CTTNBP2: variants seen among roughly 807,000 people sequenced by gnomAD.
The protein encoded by CTTNBP2 is cortactin-binding protein 2.
CTTNBP2 carries 108 observed loss-of-function variants against 156.9 expected under a neutral mutation model. That is an observed-to-expected ratio of 0.69 (90% CI 0.59 to 0.81). The LOEUF (loss-of-function observed/expected upper bound fraction) is 0.81, where lower values mean the gene tolerates loss of function less well. Ranked by LOEUF, CTTNBP2 falls within the 30% of genes least tolerant of loss-of-function variation. The pLI is 0.00. For synonymous variants in CTTNBP2, 767 were observed against 751.8 expected, an observed-to-expected ratio of 1.02 and a Z score of -0.33; for missense variants, 1,924 against 2,035.4, an observed-to-expected ratio of 0.95 and a Z score of 1.05.
chr7:117,735,135 G>A (rs1339807909), intron 15 of CTTNBP2, 35 bp from the exon 16 acceptor site: 2 of 1,602,322 alleles, frequency 1.2e-6, no homozygotes, highest in African/African-American at 2.7e-5. Flanking sequence ...CCCATCCTCA[G>A]TGAGTTATGT....
intron 16 of CTTNBP2, among the ~76,000 whole-genome samples, chr7:117,728,628 CA>C (rs1795235740): frequency 6.6e-6 from 1 of 152,074 alleles, no homozygotes; most frequent in African/African-American, 2.4e-5. Flanking sequence ...GTATAATTGA[CA>C]AAAATTATAT....
chr7:117,776,578 T>C (rs1264879313), intron 8 of CTTNBP2, among the ~76,000 whole-genome samples: 1 of 152,160 alleles, frequency 6.6e-6, no homozygotes. Context: ...AATGCTCCTT[T>C]CACCTGAACC....
rs34468854 is a variant in CTTNBP2, at chr7:117,818,292, A to C, written c.190-7303T>G. 8.7e-4 allele frequency among the ~76,000 whole-genome samples: 133 copies of C among 152,288 alleles called. 4 individuals are homozygous for C. The highest frequency in any genetic ancestry group is 2.9e-3 in the African/African-American group (120 of 41,550). On this transcript the variant is annotated intron_variant, in intron 2 of 22. Coordinates refer to ENST00000160373, the MANE Select transcript of CTTNBP2 (RefSeq NM_033427.3). ...GGTTACCTAAGAATAATAAAAAAAA[A>C]CCAAAAACCAGCATTAATATAGATC...
intron 2 of CTTNBP2, among the ~76,000 whole-genome samples, chr7:117,850,848 G>C (rs1584548576): frequency 6.6e-6 from 1 of 152,194 alleles, no homozygotes; most frequent in African/African-American, 2.4e-5. Context: ...ATAAATTTTA[G>C]AAGTACCAGG....
At position 117,791,652 on chromosome 7, in the gene CTTNBP2, G is replaced by A; in HGVS notation, c.1544C>T (p.Thr515Ile). The A allele has an allele frequency of 6.2e-7, 1 of 1,614,186 alleles. No individual in the cohort carries two copies. The highest frequency in any genetic ancestry group is 1.3e-5 in the African/African-American group (1 of 75,046). ...GAPSRPGVPP[T>I]GDVGTHPPVG... ...TGGAGGGTGGGTGCCAACATCCCCT[G>A]TTGGGGGCACTCCAGGCCTTGAGGG... Residue 515 changes from threonine (T) to isoleucine (I), a missense_variant, in exon 4 of 23, where the codon ACA (threonine) becomes ATA (isoleucine). Coordinates refer to ENST00000160373, the MANE Select transcript of CTTNBP2 (RefSeq NM_033427.3).
At position 117,760,563 on chromosome 7, in the gene CTTNBP2, T is replaced by G. The variant is rs753567212; in HGVS notation, c.3044A>C (p.Gln1015Pro). 1 of 1,614,178 alleles carries G rather than the reference T, an allele frequency of 6.2e-7. No individual in the cohort carries two copies. Among genetic ancestry groups the G allele is most frequent in the Admixed American group, 1.7e-5 (1 of 60,024 alleles). The change falls in exon 10 of 23, where the codon CAA becomes CCA. Residue 1015 changes from glutamine to proline, a missense_variant. By Grantham distance (76) the Gln-to-Pro change is moderately conservative. Transcript: ENST00000160373. ...SWDDFSKAVS[Q>P]ALTNHFQAIS... Reference sequence around the variant, plus strand: ...TGCCTGGAAATGATTTGTCAGAGCTTGACTCACTGCTTTTGAAAAATCATC... The same window carrying G: ...TGCCTGGAAATGATTTGTCAGAGCTGGACTCACTGCTTTTGAAAAATCATC...
In CTTNBP2 at chr7:117,873,003, C is replaced by T. The variant is rs911579611; in HGVS notation, c.81+332G>A. On this transcript the variant is annotated intron_variant, in intron 1 of 22. Transcript: ENST00000160373. ...CCAGGAAACACGTCCCAGCCTTCTC[C>T]CCCGGCCAGAAGCGACCGCAGCGGA... Among the ~76,000 whole-genome samples, 3 of 152,178 alleles carry T rather than the reference C, an allele frequency of 2.0e-5. No homozygotes were observed. In the East Asian group the frequency reaches 5.8e-4, roughly 30 times the overall value.
chr7:117,745,957 T>C, intron 13 of CTTNBP2, 27 bp from the exon 14 acceptor site: 1 of 1,611,534 alleles, frequency 6.2e-7, no homozygotes, highest in African/African-American at 1.3e-5. Flanking sequence ...GGGTGATTAG[T>C]TCTACGCACT....
chr7:117,765,634 C>T (rs940992252), intron 9 of CTTNBP2, among the ~76,000 whole-genome samples: 1 of 152,048 alleles, frequency 6.6e-6, no homozygotes, highest in African/African-American at 2.4e-5. Flanking sequence ...TCATAAAGTC[C>T]TCCTTAATCC....
At chr7:117,836,482 T>C (rs1801946649) in intron 2 of CTTNBP2, among the ~76,000 whole-genome samples, 1 of 152,264 alleles carries the variant, frequency 6.6e-6, no homozygotes, top group Admixed American at 6.5e-5. Flanking sequence ...GAGAATGGCA[T>C]GAACCCAGAG....
intron 22 of CTTNBP2, chr7:117,714,273 G>C (rs1268792978): frequency 2.6e-5 from 4 of 152,196 alleles, no homozygotes; most frequent in African/African-American, 9.6e-5. Flanking sequence ...CAGGTACCAG[G>C]ATCCAATCTC....
In CTTNBP2 at chr7:117,724,646, C is replaced by T. The variant is rs747966583; in HGVS notation, c.4348G>A (p.Gly1450Arg). 10 of 1,614,042 alleles carry T rather than the reference C, an allele frequency of 6.2e-6. No homozygotes were observed. Among genetic ancestry groups the T allele is most frequent in the Non-Finnish European group, 8.5e-6 (10 of 1,180,030 alleles). ...SSYNTCNKKK[G>R]ESGAWRKVNT... The stretch of plus-strand genomic sequence containing the variant: ...ACCTTTCTCCAGGCACCACTCTCTC[C>T]TTTCTTCTTGTTACAAGTGTTATAA... The change falls in exon 19 of 23, where the codon GGA (glycine) becomes AGA (arginine). Residue 1450 changes from glycine (G) to arginine (R), a missense_variant. Gly to Arg is a moderately radical substitution (Grantham distance 125). Transcript: ENST00000160373.
rs1800222259 is a variant in CTTNBP2, at chr7:117,810,704, A to G, written c.414+61T>C. 3.8e-6 allele frequency: 5 copies of G among 1,321,492 alleles called. No individual in the cohort carries two copies. The Admixed American group carries it at 8.5e-5, about 22-fold the overall frequency. 81.9% of individuals were successfully genotyped at this position (1,321,492 alleles called of 1,614,324 possible). On this transcript the variant is annotated intron_variant, in intron 3 of 22. Transcript: ENST00000160373. ...AATACTGAAGAACAAACAACTTTGGAGGTGATCTCCTCATTGGACACCATG... is the reference window on the plus strand; with the variant it reads ...AATACTGAAGAACAAACAACTTTGGGGGTGATCTCCTCATTGGACACCATG...
At chr7:117,861,913 T>C (rs1314614129) in intron 1 of CTTNBP2, among the ~76,000 whole-genome samples, 2 of 151,834 alleles carry the variant, frequency 1.3e-5, no homozygotes, top group Non-Finnish European at 2.9e-5. Flanking sequence ...AAAATCCAGA[T>C]CCCTGGCTTG....
At chr7:117,812,996 C>A (rs1800379482) in intron 2 of CTTNBP2, among the ~76,000 whole-genome samples, 1 of 152,160 alleles carries the variant, frequency 6.6e-6, no homozygotes, top group Admixed American at 6.5e-5. Context: ...AACCTCTCTC[C>A]TTTTCCCAAA....
intron 4 of CTTNBP2, 82 bp from the exon 5 acceptor site, chr7:117,784,536 C>T: frequency 3.2e-6 from 3 of 950,088 alleles, no homozygotes; most frequent in Non-Finnish European, 4.6e-6. Context: ...GAATTACACA[C>T]ACACAAACAT....
At chr7:117,785,884 A>C (rs536469012) in intron 4 of CTTNBP2, among the ~76,000 whole-genome samples, 97 of 152,314 alleles carry the variant, frequency 6.4e-4, no homozygotes, top group Middle Eastern at 3.4e-3. Flanking sequence ...CTTTCTTAGC[A>C]GTGGAATACA....
At chr7:117,863,830 C>G (rs1443203478) in intron 1 of CTTNBP2, among the ~76,000 whole-genome samples, 2 of 152,140 alleles carry the variant, frequency 1.3e-5, no homozygotes, top group Non-Finnish European at 2.9e-5. Flanking sequence ...AATCTACCAG[C>G]CCAAGTCCAA....
rs944517376 is a variant in CTTNBP2 at position 117,792,702 on chromosome 7, C to A, written c.494G>T (p.Gly165Val). ...KLAARLEEER[G>V]KNKQVVLMLV... is the part of the protein sequence containing the mutation. ...CATCAGGACCACCTGCTTGTTCTTG[C>A]CACGCTCTTCCTCAAGGCGGGCAGC... Residue 165 changes from glycine to valine, a missense_variant, in exon 4 of 23, where the codon GGC becomes GTC. Gly to Val is a moderately radical substitution (Grantham distance 109). Transcript: ENST00000160373. This position sits in a 1 kb window ranked among gnomAD's most constrained non-coding sequence, Gnocchi z 4.2. The A allele has an allele frequency of 6.2e-7, 1 of 1,612,476 alleles. No homozygotes were observed. Among genetic ancestry groups the A allele is most frequent in the Non-Finnish European group, 8.5e-7 (1 of 1,179,108 alleles).
Sources: gnomAD v4.1 joint callset for allele counts (sites outside exome capture counted in the v4.1 genomes callset) on GRCh38, gnomAD v4.1.1 for gene constraint, Gnocchi (gnomAD v3.1) non-coding constraint, MANE v1.5 for transcripts, NCBI Gene and HGNC (gene_info 2026-07-23, HGNC 2026-07-21) for gene names.